The following SPAG5 variants were observed in gnomAD, a reference collection of about 807,000 sequenced individuals.
SPAG5 encodes sperm associated antigen 5.
SPAG5 carries 99 observed loss-of-function variants against 145.4 expected under a neutral mutation model. The observed-to-expected ratio is 0.68, with a 90% confidence interval of 0.58 to 0.80. The LOEUF (loss-of-function observed/expected upper bound fraction) is 0.80, where lower values mean the gene tolerates loss of function less well. Ranked by LOEUF, SPAG5 falls within the 30% of genes least tolerant of loss-of-function variation. The pLI is 0.00. For missense variants in SPAG5, 1,192 were observed against 1,416.0 expected (o/e 0.84, Z 2.54); for synonymous variants, 477 against 525.4 (o/e 0.91, Z 1.26).
chr17:28,596,947 A>G (rs745506359), intron 2 of SPAG5, among the ~76,000 whole-genome samples: 16 of 150,926 alleles, frequency 1.1e-4, no homozygotes, highest in Non-Finnish European at 1.9e-4. Context: ...TTTACTGAAA[A>G]TACAAAAATT....
At position 28,578,048 on chromosome 17, in the gene SPAG5, A is replaced by G. The variant is rs145813898; in HGVS notation, c.3472T>C (p.Leu1158=). The part of the protein sequence containing the change: ...EENLRRSDKE[L]EKLDDIVQHI... ...TGAACAATGTCATCTAGTTTTTCTAACTCCTTGTCAGAGCGCCGAAGGTTC... is the reference window on the plus strand; with the variant it reads ...TGAACAATGTCATCTAGTTTTTCTAGCTCCTTGTCAGAGCGCCGAAGGTTC... Residue 1158 remains leucine (L), a synonymous_variant, in exon 23 of 24, where the codon TTA becomes CTA. Coordinates refer to ENST00000321765, the MANE Select transcript of SPAG5 (RefSeq NM_006461.4). 1.6e-4 allele frequency: 261 copies of G among 1,614,048 alleles called. No homozygotes were observed. The highest frequency in any genetic ancestry group is 2.1e-4 in the Non-Finnish European group (252 of 1,179,960).
At position 28,589,192 on chromosome 17, in the gene SPAG5, G is replaced by A. The variant is rs976943502; in HGVS notation, c.1437+2506C>T. Among the ~76,000 whole-genome samples, 7 of 150,102 alleles carry A rather than the reference G, an allele frequency of 4.7e-5. 1 individual carries two copies. The highest frequency in any genetic ancestry group is 7.4e-3 in the Middle Eastern group (2 of 270). ...TGGCTCACTGCAACCTCTGCCTCCC[G>A]GGTTCAAGCGATTCTCATGCCTCAG... On this transcript the variant is annotated intron_variant, in intron 4 of 23. Transcript: ENST00000321765.
At chr17:28,581,837 T>C (rs1426455335) in intron 15 of SPAG5, among the ~76,000 whole-genome samples, 1 of 152,176 alleles carries the variant, frequency 6.6e-6, no homozygotes, top group Non-Finnish European at 1.5e-5. Context: ...GTGCTTCCTA[T>C]TGCTATCCCT....
chr17:28,578,713 C>T lies in SPAG5; in HGVS notation c.3157G>A (p.Glu1053Lys). ...ELQEVIQQQN[E>K]KILEQIDKSG... is the part of the protein sequence containing the mutation. ...TTGTCTATCTGTTCTAGGATCTTCTCATTCTGCTGCTGTATCACTTCCTGG... is the reference window on the plus strand; with the variant it reads ...TTGTCTATCTGTTCTAGGATCTTCTTATTCTGCTGCTGTATCACTTCCTGG... The change falls in exon 20 of 24, where the codon GAG becomes AAG. Residue 1053 changes from glutamate (E) to lysine (K), a missense_variant. By Grantham distance (56) the Glu-to-Lys change is moderately conservative. Around this residue, in one of 5 missense-constraint regions of SPAG5, gnomAD observed 709 missense variants for 840.7 expected, o/e 0.84. Transcript: ENST00000321765. The T allele has an allele frequency of 6.2e-7, 1 of 1,614,052 alleles. No individual in the cohort carries two copies. Among genetic ancestry groups the T allele is most frequent in the Non-Finnish European group, 8.5e-7 (1 of 1,179,930 alleles).
At chr17:28,590,010 C>T (rs141703613) in intron 4 of SPAG5, among the ~76,000 whole-genome samples, 7 of 152,132 alleles carry the variant, frequency 4.6e-5, no homozygotes, top group South Asian at 2.1e-4. Flanking sequence ...TTCCTTTGAC[C>T]GGAAGGCTTT....
intron 14 of SPAG5, 71 bp downstream of exon 14, chr17:28,583,782 T>C: frequency 2.6e-6 from 4 of 1,560,502 alleles, no homozygotes; most frequent in Non-Finnish European, 3.5e-6. Context: ...CTTGGAGATT[T>C]TGGCTTCTAG....
Position 28,585,330 on chromosome 17 carries a change from T to A in SPAG5, c.1942A>T (p.Met648Leu). 6.2e-7 allele frequency: 1 copy of A among 1,614,166 alleles called. No homozygotes were observed. The highest frequency in any genetic ancestry group is 1.1e-5 in the South Asian group (1 of 91,084). The part of the protein sequence containing the change: ...TSTLQQDWRS[M>L]QLDYTTWTAL... ...TCCCAAATACTCACATCCAGTTGCA[T>A]GGACCTCCAGTCTTGTTGCAAGGTA... The change falls in exon 9 of 24, where the codon ATG becomes TTG. Residue 648 changes from methionine (M) to leucine (L), a missense_variant. Transcript: ENST00000321765.
rs752250075 is a variant in SPAG5, at chr17:28,585,426, T to C, written c.1861-15A>G. ...TGAAGCCCTACCTACAAAAGAAAGA[T>C]TGCCTAGGCGGGAACCCCTTCCCTT... On this transcript the variant is annotated splice_polypyrimidine_tract_variant and intron_variant, in intron 8 of 23. Transcript: ENST00000321765. The C allele has an allele frequency of 2.5e-6, 4 of 1,613,922 alleles. No individual in the cohort carries two copies. Among genetic ancestry groups the C allele is most frequent in the South Asian group, 1.1e-5 (1 of 91,080 alleles).
chr17:28,592,936 T>C lies in SPAG5; in HGVS notation c.308A>G (p.Asp103Gly). 3 of 1,614,216 alleles carry C rather than the reference T, an allele frequency of 1.9e-6. No homozygotes were observed. Among genetic ancestry groups the C allele is most frequent in the Middle Eastern group, 1.6e-4 (1 of 6,062 alleles). ...AGTAGAGCTAATTTGGGGAATTGGA[T>C]CTAGAGGCTGCTCATCTGATTCATG... is the stretch of plus-strand genomic sequence containing the variant. Reference protein sequence around the residue: ...CQHESDEQPLDPIPQISSTPK... With the variant: ...CQHESDEQPLGPIPQISSTPK... The change falls in exon 3 of 24, where the codon GAT (aspartate) becomes GGT (glycine). Residue 103 changes from aspartate to glycine, a missense_variant. By Grantham distance (94) the Asp-to-Gly change is moderately conservative. Transcript: ENST00000321765.
intron 4 of SPAG5, among the ~76,000 whole-genome samples, chr17:28,586,901 G>A (rs183305742): frequency 2.6e-5 from 4 of 152,142 alleles, no homozygotes; most frequent in African/African-American, 9.6e-5. Flanking sequence ...GTGAGTTATA[G>A]GAGCCTTTCC....
intron 15 of SPAG5, 36 bp downstream of exon 15, chr17:28,583,470 GATACA>G: frequency 6.6e-7 from 1 of 1,523,162 alleles, no homozygotes; most frequent in African/African-American, 1.4e-5. Flanking sequence ...GTAAAATAAA[GATACA>G]ATTGGAAGAG....
intron 2 of SPAG5, among the ~76,000 whole-genome samples, chr17:28,597,666 A>C (rs1490168636): frequency 1.3e-5 from 2 of 152,212 alleles, no homozygotes; most frequent in East Asian, 1.9e-4. Flanking sequence ...TATTTTATTG[A>C]TATCCCATCT....
rs199512787 is a variant in SPAG5 at position 28,593,116 on chromosome 17, G to A, written c.178-50C>T. The stretch of plus-strand genomic sequence containing the variant: ...GTCTAAGGCAGTCAATTCAGTTCCC[G>A]ACATACAATTACAGGTGCAAGATAG... On this transcript the variant is annotated intron_variant, in intron 2 of 23. Coordinates refer to ENST00000321765, the MANE Select transcript of SPAG5 (RefSeq NM_006461.4). 583 of 1,583,570 alleles carry A rather than the reference G, an allele frequency of 3.7e-4. 3 individuals carry two copies. In the Middle Eastern group the frequency reaches 0.01, roughly 27 times the overall value.
intron 19 of SPAG5, 116 bp from the exon 20 acceptor site, chr17:28,578,868 T>C (rs893433252): frequency 2.4e-6 from 2 of 850,114 alleles, no homozygotes; most frequent in African/African-American, 1.7e-5. Context: ...CCAATTGATA[T>C]CACGCCAATT....
In SPAG5 at chr17:28,585,976, A is replaced by C. The variant is rs1440423383; in HGVS notation, c.1628T>G (p.Val543Gly). Residue 543 changes from valine (V) to glycine (G), a missense_variant, in exon 7 of 24, where the codon GTC (valine) becomes GGC (glycine). By Grantham distance (109) the Val-to-Gly change is moderately radical. This residue lies in a region of SPAG5 where 709 missense variants were observed against 840.7 expected (regional missense o/e 0.84). Coordinates refer to ENST00000321765, the MANE Select transcript of SPAG5 (RefSeq NM_006461.4). ...CTTCAGCAAATCAAAACAGCAACAG[A>C]CCAATGTTTCTGCACGCCGAGACTA... ...SQESRRAETL[V>G]CCCFDLLKKL... The C allele has an allele frequency of 6.2e-7, 1 of 1,614,046 alleles. No individual in the cohort carries two copies. The highest frequency in any genetic ancestry group is 1.3e-5 in the African/African-American group (1 of 74,900).
At chr17:28,596,024 G>T (rs2151523958) in intron 2 of SPAG5, among the ~76,000 whole-genome samples, 1 of 152,024 alleles carries the variant, frequency 6.6e-6, no homozygotes, top group East Asian at 2.0e-4. Context: ...TCCAGCCTGG[G>T]TGACAGAGCA....
At chr17:28,580,153 C>T (rs2070541032) in intron 15 of SPAG5, 33 bp from the exon 16 acceptor site, 6 of 1,510,586 alleles carry the variant, frequency 4.0e-6, no homozygotes, top group Non-Finnish European at 4.6e-6. Flanking sequence ...AGCTGCTGTT[C>T]AGGTCTAGTG....
rs1282354453 is a variant in SPAG5 at position 28,598,515 on chromosome 17, G to A, written c.172C>T (p.Leu58=). ...SLTPSLCKLG[L]QEGSNNSSPV... ...GCTGTCCAGGCGAATCTCACCTGCAGCCCCAGCTTGCACAGTGATGGGGTC... is the reference window on the plus strand; with the variant it reads ...GCTGTCCAGGCGAATCTCACCTGCAACCCCAGCTTGCACAGTGATGGGGTC... Residue 58 remains leucine (L), a synonymous_variant, in exon 2 of 24, where the codon CTG becomes TTG. Transcript: ENST00000321765. 1.2e-6 allele frequency: 2 copies of A among 1,613,470 alleles called. No individual in the cohort carries two copies. The highest frequency in any genetic ancestry group is 2.7e-5 in the African/African-American group (2 of 75,014).
chr17:28,580,990 C>T lies in SPAG5; in HGVS notation c.2686-870G>A, dbSNP rs1290011607. 5.9e-5 allele frequency among the ~76,000 whole-genome samples: 9 copies of T among 152,350 alleles called. No individual in the cohort carries two copies. In the South Asian group the frequency reaches 1.9e-3, roughly 32 times the overall value. On this transcript the variant is annotated intron_variant, in intron 15 of 23. Coordinates refer to ENST00000321765, the MANE Select transcript of SPAG5 (RefSeq NM_006461.4). ...TATGAAGCTGAGTTCACCATTTTCC[C>T]TGTGCCCTGATAGGGAACACCCTAT...
Sources: gnomAD v4.1 joint callset for allele counts (sites outside exome capture counted in the v4.1 genomes callset) on GRCh38, gnomAD v4.1.1 for gene constraint, gnomAD v4.1.1 regional missense constraint, MANE v1.5 for transcripts, NCBI Gene and HGNC (gene_info 2026-07-23, HGNC 2026-07-21) for gene names.